Variants in ABR observed in about 807,000 individuals in gnomAD.
ABR encodes the protein active breakpoint cluster region-related protein.
A neutral mutation model predicts 107.2 loss-of-function variants in ABR; 35 were observed. The ratio of observed to expected loss-of-function variants is 0.33; its 90% CI spans 0.25 to 0.43. The LOEUF (loss-of-function observed/expected upper bound fraction) is 0.43. Ranked by LOEUF, ABR falls within the 20% of genes least tolerant of loss-of-function variation. ABR has a pLI of 1.00. For synonymous variants in ABR, 498 were observed against 462.0 expected, an observed-to-expected ratio of 1.08 and a Z score of -1.00; for missense variants, 815 against 1,115.2, an observed-to-expected ratio of 0.73 and a Z score of 3.83.
intron 1 of ABR, among the ~76,000 whole-genome samples, chr17:1,165,799 C>T (rs1446693058): frequency 6.6e-6 from 1 of 152,232 alleles, no homozygotes; most frequent in Admixed American, 6.5e-5. Context: ...TCCCAAAGTA[C>T]TGGGATTACA....
chr17:1,159,459 G>GGAAGTATGCGGTACTCACACACAGGA (rs1567841190), intron 1 of ABR, among the ~76,000 whole-genome samples: 1 of 18,156 alleles, frequency 5.5e-5, no homozygotes, highest in African/African-American at 3.0e-4. Context: ...CACACACAAG[G>GGAAGTATGCGGTACTCACACACAGGA]GAAGTAAGAA....
intron 1 of ABR, among the ~76,000 whole-genome samples, chr17:1,213,612 C>T (rs2042944572): frequency 6.6e-6 from 1 of 152,084 alleles, no homozygotes; most frequent in Non-Finnish European, 1.5e-5. Flanking sequence ...AGGCTGGTCT[C>T]AAACTCCTGA....
At chr17:1,123,693 C>T (rs796080512) in intron 2 of ABR, among the ~76,000 whole-genome samples, 4 of 152,134 alleles carry the variant, frequency 2.6e-5, no homozygotes, top group African/African-American at 7.2e-5. Context: ...TGAGTCCCCC[C>T]GGGCGGGGCT....
At chr17:1,086,344 C>T (rs954035512) in intron 4 of ABR, among the ~76,000 whole-genome samples, 7 of 152,214 alleles carry the variant, frequency 4.6e-5, no homozygotes, top group East Asian at 1.9e-4. Context: ...GGGGAAGCCG[C>T]GCACACAGCC....
Position 1,010,758 on chromosome 17 carries a change from C to T in ABR, c.2207G>A (p.Arg736Gln), listed in dbSNP as rs200228390. The change falls in exon 20 of 23, where the codon CGA becomes CAA. Residue 736 changes from arginine to glutamine, a missense_variant. Coordinates refer to ENST00000302538, the MANE Select transcript of ABR (RefSeq NM_021962.5). This position sits in a 1 kb window ranked among gnomAD's most constrained non-coding sequence, Gnocchi z 4.1. ...RELPEPLLTDRLYPAFMEGIA... is the reference protein window; with the variant it reads ...RELPEPLLTDQLYPAFMEGIA... ...GCCCTCCATGAAGGCTGGGTAGAGT[C>T]GGTCCGTGAGGAGCGGCTCGGGCAG... is the stretch of plus-strand genomic sequence containing the variant. The T allele has an allele frequency of 8.1e-6, 13 of 1,613,822 alleles. No individual in the cohort carries two copies. In the African/African-American group the frequency reaches 9.3e-5, roughly 12 times the overall value.
At chr17:1,025,967 AGGGCTCAAGAAGCCCT>A (rs2072162644) in intron 16 of ABR, among the ~76,000 whole-genome samples, 3 of 152,198 alleles carry the variant, frequency 2.0e-5, no homozygotes, top group Admixed American at 2.0e-4. Context: ...GCTTCAGGAC[AGGGCTCAAGAAGCCCT>A]GTGTTCCCAC....
rs1194276058 is a variant in ABR at position 1,198,834 on chromosome 17, C to T, written c.838+29959G>A. Among the ~76,000 whole-genome samples, 6 of 148,906 alleles carry T rather than the reference C, an allele frequency of 4.0e-5. 1 individual carries two copies. The highest frequency in any genetic ancestry group is 1.5e-4 in the African/African-American group (6 of 39,650). ...TTTTTTTAATAGAGGTGGGTTTCACCGTGTTAGCCAGGATGGTTATGATCT... is the reference window on the plus strand; with the variant it reads ...TTTTTTTAATAGAGGTGGGTTTCACTGTGTTAGCCAGGATGGTTATGATCT... On this transcript the variant is annotated intron_variant, in intron 1 of 22. Transcript: ENST00000574139.
At chr17:1,220,498 G>A (rs76889410) in intron 1 of ABR, among the ~76,000 whole-genome samples, 6,168 of 152,208 alleles carry the variant, frequency 0.041, 202 homozygotes, top group East Asian at 0.13. Context: ...CTCACGTGGT[G>A]TAAATACAGC....
At position 1,056,016 on chromosome 17, in the gene ABR, T is replaced by A; in HGVS notation, c.1561+19A>T. Reference sequence around the variant, plus strand: ...ATCCACAATGGCCCACCCAACCTCGTCCTGGCCAGGGCACTTACTGGCTGA... The same window carrying A: ...ATCCACAATGGCCCACCCAACCTCGACCTGGCCAGGGCACTTACTGGCTGA... On this transcript the variant is annotated intron_variant, in intron 14 of 22. Coordinates refer to ENST00000302538, the MANE Select transcript of ABR (RefSeq NM_021962.5). The A allele has an allele frequency of 1.2e-6, 2 of 1,611,850 alleles. No homozygotes were observed. Among genetic ancestry groups the A allele is most frequent in the Non-Finnish European group, 1.7e-6 (2 of 1,177,876 alleles).
intron 16 of ABR, among the ~76,000 whole-genome samples, chr17:1,030,714 A>G (rs2150905812): frequency 6.6e-6 from 1 of 152,344 alleles, no homozygotes; most frequent in South Asian, 2.1e-4. Context: ...GAGCCTGCAG[A>G]GAGGTCCTGT....
intron 16 of ABR, among the ~76,000 whole-genome samples, chr17:1,015,204 G>A (rs143626276): frequency 0.037 from 5,574 of 151,994 alleles, 154 homozygotes; most frequent in East Asian, 0.12. Flanking sequence ...ATCACCTGAG[G>A]TCAGGAATTC....
At chr17:1,014,213 A>G (rs2070923837) in intron 16 of ABR, among the ~76,000 whole-genome samples, 1 of 152,210 alleles carries the variant, frequency 6.6e-6, no homozygotes, top group African/African-American at 2.4e-5. Context: ...AGGCCAAGGC[A>G]GGCAGATCAC....
At chr17:1,087,422 T>G (rs1429189140) in intron 4 of ABR, among the ~76,000 whole-genome samples, 1 of 151,768 alleles carries the variant, frequency 6.6e-6, no homozygotes, top group Non-Finnish European at 1.5e-5. Context: ...GGGGGGCATC[T>G]GGAAAAGCCA....
At chr17:1,126,284 C>G (rs928248317) in intron 1 of ABR, 9 of 152,342 alleles carry the variant, frequency 5.9e-5, no homozygotes, top group African/African-American at 2.2e-4. Flanking sequence ...TAGGAGGGAC[C>G]CTCCCACAAA....
intron 1 of ABR, among the ~76,000 whole-genome samples, chr17:1,204,338 G>T (rs917098770): frequency 8.8e-4 from 134 of 152,142 alleles, no homozygotes; most frequent in African/African-American, 3.0e-3. Flanking sequence ...CCAGCTACTC[G>T]GGAGGCTGAG....
chr17:1,087,433 G>A (rs2036671151), intron 4 of ABR, among the ~76,000 whole-genome samples: 1 of 152,216 alleles, frequency 6.6e-6, no homozygotes, highest in Non-Finnish European at 1.5e-5. Flanking sequence ...GGAAAAGCCA[G>A]AGGGGAGCGC....
intron 2 of ABR, among the ~76,000 whole-genome samples, chr17:1,117,939 G>A (rs1401565798): frequency 3.2e-5 from 3 of 94,684 alleles, no homozygotes; most frequent in East Asian, 2.7e-4. Context: ...TCCTCCCAGC[G>A]TTATCCCTGA....
chr17:1,086,408 G>A (rs1055089989), intron 4 of ABR, among the ~76,000 whole-genome samples: 2 of 151,960 alleles, frequency 1.3e-5, no homozygotes, highest in East Asian at 1.9e-4. Context: ...GCTCCAAAAC[G>A]AACATGGGTT....
chr17:1,036,260 T>C (rs151305053), intron 16 of ABR, among the ~76,000 whole-genome samples: 2,951 of 152,192 alleles, frequency 0.019, 98 homozygotes, highest in African/African-American at 0.067. Context: ...CCAGTGGGGA[T>C]AGCCTGGGAG....
Sources: gnomAD v4.1 joint callset for allele counts (sites outside exome capture counted in the v4.1 genomes callset) on GRCh38, gnomAD v4.1.1 for gene constraint, Gnocchi (gnomAD v3.1) non-coding constraint, MANE v1.5 for transcripts, NCBI Gene and HGNC (gene_info 2026-07-23, HGNC 2026-07-21) for gene names.